NCOA2: variants seen among roughly 807,000 people sequenced by gnomAD.
NCOA2 encodes nuclear receptor coactivator 2.
In NCOA2, 21 loss-of-function variants were observed where a neutral mutation model predicts 145.1. The observed-to-expected ratio is 0.14, with a 90% CI of 0.10 to 0.21. NCOA2 has a LOEUF of 0.21. Ranked by LOEUF, NCOA2 falls within the 10% of genes least tolerant of loss-of-function variation. The probability of loss-of-function intolerance (pLI) is 1.00; values close to 1 mark genes in which losing one functional copy is unlikely to be tolerated. For synonymous variants in NCOA2, 619 were observed against 637.5 expected (o/e 0.97, Z 0.44); for missense variants, 1,472 against 1,837.6 (o/e 0.80, Z 3.64).
At chr8:70,258,464 AT>A (rs1372025345) in intron 2 of NCOA2, among the ~76,000 whole-genome samples, 2 of 151,422 alleles carry the variant, frequency 1.3e-5, no homozygotes, top group Non-Finnish European at 1.5e-5. Flanking sequence ...TTTATCTGCT[AT>A]TTTTTTTTCC....
At chr8:70,322,237 T>G (rs1180615290) in intron 1 of NCOA2, among the ~76,000 whole-genome samples, 1 of 152,202 alleles carries the variant, frequency 6.6e-6, no homozygotes, top group Non-Finnish European at 1.5e-5. Flanking sequence ...TATAGCTTAA[T>G]ATTTTTGGCA....
At position 70,156,006 on chromosome 8, in the gene NCOA2, C is replaced by T; in HGVS notation, c.2359G>A (p.Glu787Lys). The T allele has an allele frequency of 6.3e-7, 1 of 1,595,996 alleles. No individual in the cohort carries two copies. Among genetic ancestry groups the T allele is most frequent in the South Asian group, 1.1e-5 (1 of 87,770 alleles). ...GGCTCAAAGCTCATCTCCTCCTTCT[C>T]AGTTTTCATTGCTATTAATTTTGTG... ...SNTKLIAMKT[E>K]KEEMSFEPGD... Residue 787 changes from glutamate (E) to lysine (K), a missense_variant, in exon 11 of 23, where the codon GAG becomes AAG. Glu to Lys is a moderately conservative substitution (Grantham distance 56). This residue lies in a region of NCOA2 where 953 missense variants were observed against 1,062.1 expected (regional missense o/e 0.90). Transcript: ENST00000452400.
intron 22 of NCOA2, among the ~76,000 whole-genome samples, chr8:70,118,055 T>G (rs549124359): frequency 6.6e-6 from 1 of 152,250 alleles, no homozygotes; most frequent in Non-Finnish European, 1.5e-5. Context: ...TTTGAGGGCC[T>G]TACCCTACGG....
chr8:70,130,922 T>C (rs962461549), intron 16 of NCOA2, among the ~76,000 whole-genome samples: 2 of 152,224 alleles, frequency 1.3e-5, no homozygotes, highest in African/African-American at 4.8e-5. Flanking sequence ...GTTCAGATAG[T>C]GTTTTGTTCT....
intron 11 of NCOA2, among the ~76,000 whole-genome samples, chr8:70,150,541 T>C (rs1481250050): frequency 2.0e-5 from 3 of 152,242 alleles, no homozygotes; most frequent in East Asian, 1.9e-4. Flanking sequence ...ATCACTCCAC[T>C]ACGGCAGGTA....
At chr8:70,341,510 T>C (rs996903308) in intron 1 of NCOA2, among the ~76,000 whole-genome samples, 14 of 152,202 alleles carry the variant, frequency 9.2e-5, no homozygotes, top group Admixed American at 7.9e-4. Flanking sequence ...AGTTCCTCAA[T>C]ATACACATAC....
chr8:70,434,600 G>T, the NCOA2 span, among the ~76,000 whole-genome samples: 1 of 151,942 alleles, frequency 6.6e-6, no homozygotes, highest in Non-Finnish European at 1.5e-5. Context: ...ACAGGGTCTT[G>T]CTCTGTTGCC....
At chr8:70,403,606 A>T (rs976162366) in intron 1 of NCOA2, 94 bp downstream of exon 1, 1 of 322,808 alleles carries the variant, frequency 3.1e-6, no homozygotes, top group African/African-American at 2.5e-5. Flanking sequence ...TCGGCGCAGG[A>T]AGGGCAGTCG....
At chr8:70,403,879 C>T, upstream of NCOA2, 1 of 383,872 alleles carries the variant, frequency 2.6e-6, no homozygotes, top group Non-Finnish European at 4.6e-6. Context: ...CCTCCTCCTC[C>T]GCGTCTCCGC....
intron 4 of NCOA2, among the ~76,000 whole-genome samples, chr8:70,207,690 C>G (rs1240776130): frequency 1.3e-5 from 2 of 151,420 alleles, no homozygotes; most frequent in Non-Finnish European, 2.9e-5. Flanking sequence ...ATGGTGAAAC[C>G]CTGTCTCTAC....
rs770970470 is a variant in NCOA2 at position 70,128,726 on chromosome 8, A to T, written c.3579T>A (p.Leu1193=). Residue 1193 remains leucine (L), a synonymous_variant, in exon 17 of 23, where the codon CTT becomes CTA. Coordinates refer to ENST00000452400, the MANE Select transcript of NCOA2 (RefSeq NM_006540.4). ...QNQPNQLRLQ[L]QHRLQAQQNR... is the part of the protein sequence containing the mutation. ...CCTGCTGTGCTTGGAGGCGATGCTGAAGTTGAAGTCTTAGTTGATTTGGCT... is the reference window on the plus strand; with the variant it reads ...CCTGCTGTGCTTGGAGGCGATGCTGTAGTTGAAGTCTTAGTTGATTTGGCT... 3.6e-4 allele frequency: 587 copies of T among 1,613,752 alleles called. No homozygotes were observed. Among genetic ancestry groups the T allele is most frequent in the Non-Finnish European group, 4.8e-4 (568 of 1,179,872 alleles).
intron 1 of NCOA2, among the ~76,000 whole-genome samples, chr8:70,350,239 T>A (rs967212834): frequency 1.3e-5 from 2 of 152,200 alleles, no homozygotes; most frequent in East Asian, 3.8e-4. Flanking sequence ...AGCTTATAGA[T>A]TCTTTTCCTG....
chr8:70,284,340 G>A (rs1466422411), intron 2 of NCOA2, among the ~76,000 whole-genome samples: 1 of 152,126 alleles, frequency 6.6e-6, no homozygotes, highest in Admixed American at 6.5e-5. Flanking sequence ...CTGACAGGGT[G>A]GAAGTAGATG....
intron 4 of NCOA2, among the ~76,000 whole-genome samples, chr8:70,207,666 C>G (rs1818583279): frequency 6.6e-6 from 1 of 151,854 alleles, no homozygotes; most frequent in Non-Finnish European, 1.5e-5. Flanking sequence ...GAGTTTGAGA[C>G]CAGCCTGACC....
At chr8:70,318,536 G>C (rs1805795811) in intron 1 of NCOA2, among the ~76,000 whole-genome samples, 1 of 152,052 alleles carries the variant, frequency 6.6e-6, no homozygotes, top group Non-Finnish European at 1.5e-5. Flanking sequence ...GAGGCAAGGA[G>C]GGCAGATCAC....
intron 1 of NCOA2, among the ~76,000 whole-genome samples, chr8:70,399,978 C>G (rs997455842): frequency 1.3e-5 from 2 of 152,194 alleles, no homozygotes; most frequent in Non-Finnish European, 2.9e-5. Context: ...GCTCACAGAT[C>G]CTTGATGTTA....
chr8:70,276,666 C>T (rs1278167094), intron 2 of NCOA2, among the ~76,000 whole-genome samples: 1 of 152,188 alleles, frequency 6.6e-6, no homozygotes, highest in East Asian at 1.9e-4. Flanking sequence ...ATATTTTCTT[C>T]CCCTTCTGCC....
chr8:70,264,917 T>TA (rs1278222545), intron 2 of NCOA2, among the ~76,000 whole-genome samples: 5 of 152,116 alleles, frequency 3.3e-5, no homozygotes, highest in South Asian at 2.1e-4. Context: ...CTTTAAAACC[T>TA]AAAAAAATAC....
chr8:70,132,598 T>C (rs1472222295), intron 15 of NCOA2, among the ~76,000 whole-genome samples: 1 of 152,222 alleles, frequency 6.6e-6, no homozygotes, highest in African/African-American at 2.4e-5. Flanking sequence ...AGGGTCTCAC[T>C]TCATTGCCCA....
Sources: gnomAD v4.1 joint callset for allele counts (sites outside exome capture counted in the v4.1 genomes callset) on GRCh38, gnomAD v4.1.1 for gene constraint, gnomAD v4.1.1 regional missense constraint, MANE v1.5 for transcripts, NCBI Gene and HGNC (gene_info 2026-07-23, HGNC 2026-07-21) for gene names.